EXOC6: variants seen among roughly 807,000 people sequenced by gnomAD.
The protein encoded by EXOC6 is SEC15-like 1.
A neutral mutation model predicts 112.5 loss-of-function variants in EXOC6; 60 were observed. The ratio of observed to expected loss-of-function variants is 0.53; its 90% CI spans 0.43 to 0.66. The LOEUF (loss-of-function observed/expected upper bound fraction) is 0.66, where lower values mean the gene tolerates loss of function less well. EXOC6 is among the 30% of genes least tolerant of loss of function. The pLI, the probability that EXOC6 is intolerant of heterozygous loss-of-function variation, is 0.00. For missense variants in EXOC6, 855 were observed against 957.1 expected (o/e 0.89, Z 1.41); for synonymous variants, 295 against 308.0 (o/e 0.96, Z 0.44).
At chr10:92,881,245 A>T (rs1488406528) in intron 1 of EXOC6, among the ~76,000 whole-genome samples, 1 of 152,200 alleles carries the variant, frequency 6.6e-6, no homozygotes, top group African/African-American at 2.4e-5. Flanking sequence ...AAGTGTCTAA[A>T]GGAGGCAGGT....
chr10:92,972,136 G>T (rs139779983), intron 17 of EXOC6, among the ~76,000 whole-genome samples: 7 of 152,326 alleles, frequency 4.6e-5, no homozygotes, highest in Non-Finnish European at 7.3e-5. Flanking sequence ...CCGTGCACAT[G>T]TTGGGGTGTG....
At chr10:92,832,108 A>G (rs1321758508), upstream of EXOC6, among the ~76,000 whole-genome samples, 1 of 152,186 alleles carries the variant, frequency 6.6e-6, no homozygotes, top group Admixed American at 6.5e-5. Context: ...ATTTCTCATC[A>G]TGTATTTATG....
chr10:92,860,669 G>A (rs1847870781), intron 1 of EXOC6, among the ~76,000 whole-genome samples: 1 of 152,030 alleles, frequency 6.6e-6, no homozygotes, highest in African/African-American at 2.4e-5. Flanking sequence ...CTATCTCTAT[G>A]ACTATGATTA....
intron 20 of EXOC6, among the ~76,000 whole-genome samples, chr10:93,019,359 T>A (rs1844679194): frequency 6.6e-6 from 1 of 152,184 alleles, no homozygotes; most frequent in Non-Finnish European, 1.5e-5. Flanking sequence ...CAAGAAAATT[T>A]TTTCTTCTAA....
At chr10:93,031,219 C>A (rs1363320742) in intron 20 of EXOC6, among the ~76,000 whole-genome samples, 1 of 151,914 alleles carries the variant, frequency 6.6e-6, no homozygotes, top group Admixed American at 6.6e-5. Context: ...CCTGTCATCA[C>A]TTCTTTGATG....
At chr10:92,952,954 C>T (rs954096742) in intron 15 of EXOC6, among the ~76,000 whole-genome samples, 1 of 152,098 alleles carries the variant, frequency 6.6e-6, no homozygotes, top group East Asian at 1.9e-4. Flanking sequence ...GTGAATAGTG[C>T]TGTAATGAAC....
intron 20 of EXOC6, among the ~76,000 whole-genome samples, chr10:93,030,922 T>C (rs1022418658): frequency 4.6e-5 from 7 of 152,120 alleles, no homozygotes; most frequent in African/African-American, 1.7e-4. Context: ...CAATCTAATT[T>C]TTGCCAAAAT....
chr10:92,908,098 C>T (rs1427181534), intron 5 of EXOC6, among the ~76,000 whole-genome samples: 1 of 109,300 alleles, frequency 9.1e-6, no homozygotes, highest in Non-Finnish European at 1.7e-5. Context: ...CTTACTCTGT[C>T]ACCCACGCTG....
At chr10:92,859,949 G>A (rs1847827177) in intron 1 of EXOC6, among the ~76,000 whole-genome samples, 1 of 151,832 alleles carries the variant, frequency 6.6e-6, no homozygotes, top group African/African-American at 2.4e-5. Context: ...CTTAGCAGTG[G>A]GAGGTGAGTG....
chr10:92,936,970 TC>T (rs962592930), intron 12 of EXOC6, among the ~76,000 whole-genome samples: 7 of 151,860 alleles, frequency 4.6e-5, no homozygotes, highest in Non-Finnish European at 1.0e-4. Flanking sequence ...ATCATCCTAT[TC>T]CCCCCTGGAT....
At chr10:92,999,558 T>G (rs1843658004) in intron 19 of EXOC6, among the ~76,000 whole-genome samples, 1 of 152,220 alleles carries the variant, frequency 6.6e-6, no homozygotes, top group African/African-American at 2.4e-5. Context: ...AGTTTTGCTT[T>G]CTGCAGTTTT....
intron 18 of EXOC6, among the ~76,000 whole-genome samples, chr10:92,995,308 T>A (rs1272166920): frequency 1.3e-5 from 2 of 152,186 alleles, no homozygotes; most frequent in Admixed American, 6.5e-5. Context: ...TCCAGTGCTA[T>A]TGCTATGTAA....
chr10:92,847,503 G>A (rs756964414), upstream of EXOC6, among the ~76,000 whole-genome samples: 3 of 152,188 alleles, frequency 2.0e-5, no homozygotes, highest in Non-Finnish European at 4.4e-5. Context: ...AAAGAGCTTG[G>A]TTGACTCAAA....
intron 1 of EXOC6, among the ~76,000 whole-genome samples, chr10:92,857,354 T>G (rs117786672): frequency 3.6e-4 from 55 of 152,244 alleles, no homozygotes; most frequent in Middle Eastern, 3.4e-3. Context: ...TACTCTTATA[T>G]AGCTATATTC....
At chr10:92,911,919 C>G (rs1214735239) in intron 6 of EXOC6, among the ~76,000 whole-genome samples, 43 of 127,836 alleles carry the variant, frequency 3.4e-4, no homozygotes, top group African/African-American at 1.2e-3. Context: ...CTCTCTCTCT[C>G]TCTCTCTCTC....
At chr10:92,955,748 A>G in intron 17 of EXOC6, 34 bp downstream of exon 17, 1 of 1,592,548 alleles carries the variant, frequency 6.3e-7, no homozygotes. Context: ...TTTTCATTTC[A>G]GTCACTGTAA....
At chr10:92,878,457 T>C (rs1848782335) in intron 1 of EXOC6, among the ~76,000 whole-genome samples, 1 of 152,176 alleles carries the variant, frequency 6.6e-6, no homozygotes, top group Admixed American at 6.6e-5. Context: ...TAGGGTGGAC[T>C]TTCCGCATGC....
chr10:92,837,793 G>A (rs976452178), intron 1 of EXOC6, among the ~76,000 whole-genome samples: 3 of 152,216 alleles, frequency 2.0e-5, no homozygotes, highest in African/African-American at 7.2e-5. Flanking sequence ...TGAGAGAAAG[G>A]TTAGGATACT....
chr10:92,980,839 C>G lies in EXOC6; in HGVS notation c.1953+6607C>G, dbSNP rs1347441280. Among the ~76,000 whole-genome samples the G allele has an allele frequency of 3.3e-5, 5 of 152,036 alleles. No homozygotes were observed. The East Asian group carries it at 9.6e-4, about 29-fold the overall frequency. On this transcript the variant is annotated intron_variant, in intron 18 of 21. Coordinates refer to ENST00000260762, the MANE Select transcript of EXOC6 (RefSeq NM_019053.6). ...ATATAGCCAAGTATAAAGAAGGAGG[C>G]AAAAATCACCTTTATCTTGTTAAAA...
Sources: allele counts gnomAD v4.1 joint callset (sites outside exome capture counted in the v4.1 genomes callset), GRCh38; gene constraint gnomAD v4.1.1; transcripts MANE v1.5; gene names NCBI Gene and HGNC (gene_info 2026-07-23, HGNC 2026-07-21).